PSME4: variants seen among roughly 807,000 people sequenced by gnomAD.
PSME4 encodes the protein proteasome activator subunit 4, also known as proteasome activator complex subunit 4.
Under a neutral mutation model 253.9 loss-of-function variants are expected in PSME4, and 89 were observed. The observed-to-expected ratio is 0.35, with a 90% CI of 0.30 to 0.42. The LOEUF is 0.42. PSME4 is among the 10% of genes least tolerant of loss of function. PSME4 has a pLI of 1.00. For synonymous variants in PSME4, 851 were observed against 759.2 expected (o/e 1.12, Z -1.99); for missense variants, 2,014 against 2,195.2 (o/e 0.92, Z 1.65).
intron 41 of PSME4, chr2:53,881,376 GACC>G (rs1679383337): frequency 6.6e-6 from 1 of 152,072 alleles, no homozygotes; most frequent in African/African-American, 2.4e-5. Context: ...ATACCTCTCT[GACC>G]ACCACCATTT....
At chr2:53,867,113 C>G (rs1678602127) in intron 44 of PSME4, among the ~76,000 whole-genome samples, 2 of 152,260 alleles carry the variant, frequency 1.3e-5, no homozygotes, top group South Asian at 4.1e-4. Context: ...AATCCCAGCA[C>G]TTTGGGAGGC....
intron 4 of PSME4, among the ~76,000 whole-genome samples, chr2:53,938,237 C>T (rs1458453259): frequency 1.8e-4 from 28 of 152,056 alleles, no homozygotes; most frequent in Admixed American, 1.8e-3. Context: ...AGAAAGAGAA[C>T]ATCAGTCCAG....
At chr2:53,874,242 A>G (rs570199740) in intron 43 of PSME4, 97 bp downstream of exon 43, 1 of 1,243,750 alleles carries the variant, frequency 8.0e-7, no homozygotes, top group South Asian at 1.5e-5. Flanking sequence ...TTATAAATAT[A>G]AACAATTGCA....
chr2:53,888,258 C>T (rs1679733014), intron 38 of PSME4: 1 of 283,496 alleles, frequency 3.5e-6, no homozygotes, highest in Non-Finnish European at 6.4e-6. Context: ...TTAAACATCA[C>T]AATTCAAGTT....
chr2:53,883,366 G>A (rs937680080), intron 41 of PSME4, among the ~76,000 whole-genome samples: 1 of 152,192 alleles, frequency 6.6e-6, no homozygotes, highest in Non-Finnish European at 1.5e-5. Context: ...CAGGCATGGT[G>A]ATGCATGCCC....
Position 53,970,655 on chromosome 2 carries a change from G to C in PSME4, c.130C>G (p.Leu44Val). 1 of 1,550,300 alleles carries C rather than the reference G, an allele frequency of 6.5e-7. No homozygotes were observed. Among genetic ancestry groups the C allele is most frequent in the South Asian group, 1.2e-5 (1 of 84,050 alleles). The change falls in exon 1 of 47, where the codon CTA becomes GTA. Residue 44 changes from leucine to valine, a missense_variant. This residue lies in a region of PSME4 where 615 missense variants were observed against 594.4 expected (regional missense o/e 1.03). Coordinates refer to ENST00000404125, the MANE Select transcript of PSME4 (RefSeq NM_014614.3). ...YNKLLPYAER[L>V]DAESDLQLAQ... ...AGCTGCAAGTCGGACTCGGCGTCTA[G>C]CCGCTCCGCGTAGGGCAGCAGCTTG...
intron 43 of PSME4, among the ~76,000 whole-genome samples, chr2:53,873,582 A>C (rs987379241): frequency 2.6e-5 from 4 of 152,224 alleles, no homozygotes; most frequent in Non-Finnish European, 5.9e-5. Flanking sequence ...ATGGGATAAT[A>C]CATTATCTTT....
chr2:53,921,179 T>C, intron 17 of PSME4, 75 bp from the exon 18 acceptor site: 3 of 1,590,164 alleles, frequency 1.9e-6, no homozygotes, highest in East Asian at 2.2e-5. Context: ...CAAAGTTCAA[T>C]GTTTGGCCAC....
At chr2:53,928,620 T>C (rs770879920) in intron 10 of PSME4, among the ~76,000 whole-genome samples, 34 of 152,204 alleles carry the variant, frequency 2.2e-4, no homozygotes, top group Admixed American at 7.2e-4. Context: ...AATCTCTTAC[T>C]GTGCCTAATT....
chr2:53,967,487 C>A (rs1165659578), intron 1 of PSME4, among the ~76,000 whole-genome samples: 3 of 151,140 alleles, frequency 2.0e-5, no homozygotes, highest in Non-Finnish European at 3.0e-5. Flanking sequence ...ACTAAAAATA[C>A]AAAAATTAGC....
intron 43 of PSME4, chr2:53,869,742 G>C (rs1558639660): frequency 2.6e-6 from 1 of 385,310 alleles, no homozygotes; most frequent in Non-Finnish European, 4.6e-6. Context: ...AACTACATTA[G>C]GGTTATGAGC....
chr2:53,901,226 T>C, intron 28 of PSME4, 124 bp downstream of exon 28: 2 of 901,084 alleles, frequency 2.2e-6, no homozygotes, highest in Non-Finnish European at 3.4e-6. Flanking sequence ...AAACGCTTTT[T>C]TAAAAAAACA....
chr2:53,898,199 T>C, intron 30 of PSME4, 102 bp downstream of exon 30: 1 of 1,264,128 alleles, frequency 7.9e-7, no homozygotes, highest in Non-Finnish European at 1.1e-6. Context: ...CAAACCGGAA[T>C]ATAACTTTTT....
chr2:53,939,556 C>A (rs1174093653), intron 4 of PSME4, among the ~76,000 whole-genome samples: 1 of 151,974 alleles, frequency 6.6e-6, no homozygotes, highest in Admixed American at 6.6e-5. Flanking sequence ...CAAGGCCCCA[C>A]TCTCTACAAA....
In PSME4 at chr2:53,864,400, T is replaced by A. The variant is rs1277249002; in HGVS notation, c.*1178A>T. 1 of 149,804 alleles carries A rather than the reference T, an allele frequency of 6.7e-6. No homozygotes were observed. Among genetic ancestry groups the A allele is most frequent in the Admixed American group, 6.7e-5 (1 of 14,976 alleles). 9.3% of individuals were successfully genotyped at this position (149,804 alleles called of 1,614,324 possible). A position where few individuals can be genotyped will look rare whatever the true frequency, so the allele number is the denominator to read the frequency against. ...GAGAGATGCACACAAAAATGTTACATAAAAGTTCAGACATTCTAATGATAA... is the reference window on the plus strand; with the variant it reads ...GAGAGATGCACACAAAAATGTTACAAAAAAGTTCAGACATTCTAATGATAA... On this transcript the variant is annotated 3_prime_UTR_variant, in exon 47 of 47. Coordinates refer to ENST00000404125, the MANE Select transcript of PSME4 (RefSeq NM_014614.3).
At chr2:53,964,814 G>A in intron 1 of PSME4, among the ~76,000 whole-genome samples, 1 of 152,236 alleles carries the variant, frequency 6.6e-6, no homozygotes, top group East Asian at 1.9e-4. Flanking sequence ...TAAGTTTCTG[G>A]TGGTTACATA....
intron 20 of PSME4, among the ~76,000 whole-genome samples, chr2:53,915,512 A>G (rs904143762): frequency 6.6e-6 from 1 of 151,966 alleles, no homozygotes; most frequent in African/African-American, 2.4e-5. Context: ...TGGGAGGATC[A>G]CTTGAGCTCA....
chr2:53,900,793 C>T (rs1469034294), intron 28 of PSME4, among the ~76,000 whole-genome samples: 1 of 152,100 alleles, frequency 6.6e-6, no homozygotes, highest in Admixed American at 6.5e-5. Flanking sequence ...CAACCATAGT[C>T]ACGCCAGCCA....
chr2:53,867,669 CAAAAA>C (rs35848517), intron 44 of PSME4, among the ~76,000 whole-genome samples: 76 of 98,524 alleles, frequency 7.7e-4, no homozygotes, highest in Admixed American at 8.9e-4. Context: ...GACCTTACCT[CAAAAA>C]AAAAAAAAAA....
Sources: gnomAD v4.1 joint callset for allele counts (sites outside exome capture counted in the v4.1 genomes callset) on GRCh38, gnomAD v4.1.1 for gene constraint, gnomAD v4.1.1 regional missense constraint, MANE v1.5 for transcripts, NCBI Gene and HGNC (gene_info 2026-07-23, HGNC 2026-07-21) for gene names.